Variants in NAALADL2 observed in about 807,000 individuals in gnomAD.
NAALADL2 encodes the protein inactive N-acetylated-alpha-linked acidic dipeptidase-like protein 2.
In NAALADL2, 76 loss-of-function variants were observed where a neutral mutation model predicts 87.2. The observed-to-expected ratio is 0.87, with a 90% CI of 0.72 to 1.05. NAALADL2 has a LOEUF of 1.05. Among genes scored for constraint, NAALADL2 ranks in the 50% least tolerant of loss-of-function variants. NAALADL2 has a pLI of 0.00. For synonymous variants in NAALADL2, 354 were observed against 331.0 expected (o/e 1.07, Z -0.75); for missense variants, 1,089 against 945.8 (o/e 1.15, Z -1.99).
At chr3:174,604,421 T>C (rs1251756397) in intron 2 of NAALADL2, among the ~76,000 whole-genome samples, 1 of 152,170 alleles carries the variant, frequency 6.6e-6, no homozygotes, top group African/African-American at 2.4e-5. Context: ...GGAATATCTT[T>C]TTCCATCCCT....
chr3:174,597,471 T>C (rs1718028509), intron 2 of NAALADL2, among the ~76,000 whole-genome samples: 1 of 152,232 alleles, frequency 6.6e-6, no homozygotes, highest in Non-Finnish European at 1.5e-5. Context: ...TTCCTAGACG[T>C]CAGCAAAGGG....
At chr3:175,678,280 C>G (rs2149872420) in intron 11 of NAALADL2, among the ~76,000 whole-genome samples, 1 of 152,228 alleles carries the variant, frequency 6.6e-6, no homozygotes, top group African/African-American at 2.4e-5. Context: ...AATAGTGGTT[C>G]ATTGCCCTCT....
At chr3:175,540,926 G>T (rs144029538) in intron 9 of NAALADL2, among the ~76,000 whole-genome samples, 1 of 152,148 alleles carries the variant, frequency 6.6e-6, no homozygotes, top group Non-Finnish European at 1.5e-5. Context: ...CAATGCAGTA[G>T]GTCAGGAATT....
chr3:175,131,466 G>A (rs971214441), intron 2 of NAALADL2, among the ~76,000 whole-genome samples: 2 of 152,054 alleles, frequency 1.3e-5, no homozygotes, highest in African/African-American at 4.8e-5. Flanking sequence ...CACGGGGTTG[G>A]GGGTAAGGTC....
chr3:174,663,102 T>C (rs959821777), intron 2 of NAALADL2, among the ~76,000 whole-genome samples: 2 of 152,150 alleles, frequency 1.3e-5, no homozygotes, highest in African/African-American at 4.8e-5. Flanking sequence ...TGTTTAAAAA[T>C]ATATTCCATT....
intron 5 of NAALADL2, among the ~76,000 whole-genome samples, chr3:175,433,148 A>G (rs557632351): frequency 6.6e-6 from 1 of 152,154 alleles, no homozygotes; most frequent in South Asian, 2.1e-4. Flanking sequence ...CAAATATACA[A>G]TCAAATAGAG....
intron 5 of NAALADL2, among the ~76,000 whole-genome samples, chr3:175,334,635 G>A (rs1303326289): frequency 6.6e-6 from 1 of 151,938 alleles, no homozygotes; most frequent in Non-Finnish European, 1.5e-5. Context: ...CTTTGTTGGA[G>A]TTTTTTTCCC....
At chr3:174,677,853 A>G (rs1247325373) in intron 2 of NAALADL2, among the ~76,000 whole-genome samples, 3 of 152,114 alleles carry the variant, frequency 2.0e-5, no homozygotes, top group South Asian at 4.2e-4. Flanking sequence ...GCTTGGGGGC[A>G]ATTTTAGAGA....
chr3:175,779,988 G>T (rs1750793428), intron 13 of NAALADL2, among the ~76,000 whole-genome samples: 1 of 152,078 alleles, frequency 6.6e-6, no homozygotes, highest in Non-Finnish European at 1.5e-5. Flanking sequence ...AATAGTCAGG[G>T]CCGGGCGCGG....
At chr3:175,269,468 C>G (rs567404153) in intron 4 of NAALADL2, among the ~76,000 whole-genome samples, 2 of 152,302 alleles carry the variant, frequency 1.3e-5, no homozygotes, top group South Asian at 4.1e-4. Flanking sequence ...TCTGATGTCA[C>G]TTGCTGATAG....
intron 1 of NAALADL2, among the ~76,000 whole-genome samples, chr3:174,443,815 TGTTTC>T (rs1714847389): frequency 1.3e-5 from 2 of 151,748 alleles, no homozygotes; most frequent in Non-Finnish European, 3.0e-5. Flanking sequence ...ATCCTGGAAG[TGTTTC>T]AAGAAGTAGA....
chr3:175,333,063 T>A (rs1236034964), intron 5 of NAALADL2, among the ~76,000 whole-genome samples: 1 of 152,186 alleles, frequency 6.6e-6, no homozygotes, highest in Non-Finnish European at 1.5e-5. Context: ...AGCAGTAGCA[T>A]TGGTGGGTTG....
intron 2 of NAALADL2, among the ~76,000 whole-genome samples, chr3:174,723,154 G>C (rs2108957547): frequency 6.6e-6 from 1 of 152,262 alleles, no homozygotes; most frequent in Non-Finnish European, 1.5e-5. Flanking sequence ...AAATTGAATG[G>C]ACATCATATT....
chr3:174,871,395 GA>G (rs879417848), intron 1 of NAALADL2, among the ~76,000 whole-genome samples: 7 of 152,192 alleles, frequency 4.6e-5, no homozygotes, highest in Non-Finnish European at 1.0e-4. Context: ...TAAACTTCGG[GA>G]AATAGCTATT....
At chr3:175,786,060 C>G (rs529160792) in intron 13 of NAALADL2, among the ~76,000 whole-genome samples, 2 of 151,834 alleles carry the variant, frequency 1.3e-5, no homozygotes, top group Admixed American at 1.3e-4. Flanking sequence ...GGGTTTCTGC[C>G]GAGAGATCCG....
intron 11 of NAALADL2, among the ~76,000 whole-genome samples, chr3:175,719,011 G>T (rs1209286344): frequency 6.6e-6 from 1 of 152,106 alleles, no homozygotes; most frequent in Non-Finnish European, 1.5e-5. Context: ...CATCCGCTTT[G>T]TGCTAAAATG....
chr3:174,851,505 T>C (rs1338888399), intron 3 of NAALADL2, among the ~76,000 whole-genome samples: 2 of 152,040 alleles, frequency 1.3e-5, no homozygotes, highest in African/African-American at 2.4e-5. Flanking sequence ...GCCAATAAAT[T>C]GGAAAACCTG....
rs62286105 is a variant in NAALADL2 at position 175,737,328 on chromosome 3, A to G, written c.1919A>G (p.Gln640Arg). Residue 640 changes from glutamine to arginine, a missense_variant, in exon 12 of 14, where the codon CAA becomes CGA. Gln to Arg is a conservative substitution (Grantham distance 43). Coordinates refer to ENST00000454872, the MANE Select transcript of NAALADL2 (RefSeq NM_207015.3). ...CAGCTCTCAGGAGAAGTGATTTTGC[A>G]AATTGCCAACGAACCTGTTCTGCCC... is the stretch of plus-strand genomic sequence containing the variant. ...ITKLSGEVILQIANEPVLPFN... is the reference protein window; with the variant it reads ...ITKLSGEVILRIANEPVLPFN... 0.084 allele frequency: 135,250 copies of G among 1,607,748 alleles called. 6,316 individuals are homozygous for G. The highest frequency in any genetic ancestry group is 0.1 in the Middle Eastern group (630 of 6,046).
At chr3:174,556,805 A>G (rs958765291) in intron 2 of NAALADL2, among the ~76,000 whole-genome samples, 2 of 152,154 alleles carry the variant, frequency 1.3e-5, no homozygotes, top group African/African-American at 4.8e-5. Context: ...CAGTGGCACA[A>G]TCATGGCTTA....
Sources: allele counts gnomAD v4.1 joint callset (sites outside exome capture counted in the v4.1 genomes callset), GRCh38; gene constraint gnomAD v4.1.1; transcripts MANE v1.5; gene names NCBI Gene and HGNC (gene_info 2026-07-23, HGNC 2026-07-21).